Variants in ATG16L1 observed in about 807,000 individuals in gnomAD.
ATG16L1 encodes autophagy-related protein 16-1.
In ATG16L1, 37 loss-of-function variants were observed where a neutral mutation model predicts 88.5. The ratio of observed to expected loss-of-function variants is 0.42; its 90% CI spans 0.32 to 0.55. The LOEUF is 0.55. ATG16L1 is among the 20% of genes least tolerant of loss of function. The pLI is 0.13. For missense variants in ATG16L1, 554 were observed against 752.8 expected, an observed-to-expected ratio of 0.74 and a Z score of 3.09; for synonymous variants, 301 against 281.0, an observed-to-expected ratio of 1.07 and a Z score of -0.71.
intron 1 of ATG16L1, among the ~76,000 whole-genome samples, chr2:233,253,386 C>T (rs1487713238): frequency 1.5e-5 from 2 of 131,464 alleles, no homozygotes; most frequent in African/African-American, 5.7e-5. Context: ...GCTCTGTCAC[C>T]TAGGCTGGAG....
At chr2:233,263,907 TA>T in intron 3 of ATG16L1, 84 bp from the exon 4 acceptor site, 2 of 1,355,094 alleles carry the variant, frequency 1.5e-6, no homozygotes, top group Non-Finnish European at 1.0e-6. Context: ...TATTCTTTCT[TA>T]AAAATAAATC....
chr2:233,292,060 TCCTCCACG>T, intron 14 of ATG16L1, 60 bp from the exon 15 acceptor site: 2 of 1,561,798 alleles, frequency 1.3e-6, no homozygotes, highest in South Asian at 1.2e-5. Context: ...GCCTTTTTTT[TCCTCCACG>T]GCATGATGTG....
intron 5 of ATG16L1, 72 bp downstream of exon 5, chr2:233,265,215 G>GATGT: frequency 6.4e-7 from 1 of 1,555,680 alleles, no homozygotes; most frequent in South Asian, 1.2e-5. Context: ...AAAAGAAAGA[G>GATGT]ATAAACCTGG....
intron 2 of ATG16L1, among the ~76,000 whole-genome samples, chr2:233,262,167 C>T (rs1697259157): frequency 6.6e-6 from 1 of 152,126 alleles, no homozygotes; most frequent in African/African-American, 2.4e-5. Flanking sequence ...TCTTCATGCC[C>T]CATAGCCAAT....
At chr2:233,291,938 AC>A (rs1333134202) in intron 14 of ATG16L1, among the ~76,000 whole-genome samples, 189 bp from the exon 15 acceptor site, 1 of 152,206 alleles carries the variant, frequency 6.6e-6, no homozygotes, top group Non-Finnish European at 1.5e-5. Context: ...TCTGGGAATG[AC>A]TGTCTTAGGG....
intron 3 of ATG16L1, 91 bp from the exon 4 acceptor site, chr2:233,263,901 C>T (rs922289747): frequency 2.3e-6 from 3 of 1,292,838 alleles, no homozygotes; most frequent in African/African-American, 3.0e-5. Flanking sequence ...CTCATTTATT[C>T]TTTCTTAAAA....
intron 11 of ATG16L1, among the ~76,000 whole-genome samples, chr2:233,282,308 A>G (rs949190232): frequency 1.1e-4 from 16 of 152,210 alleles, no homozygotes; most frequent in African/African-American, 3.6e-4. Flanking sequence ...GAAGATGAAC[A>G]GTTCTCAGAG....
Position 233,292,228 on chromosome 2 carries a change from T to G in ATG16L1, c.1531T>G (p.Leu511Val). 6.2e-7 allele frequency: 1 copy of G among 1,614,226 alleles called. No individual in the cohort carries two copies. Among genetic ancestry groups the G allele is most frequent in the Non-Finnish European group, 8.5e-7 (1 of 1,180,040 alleles). Residue 511 changes from leucine (L) to valine (V), a missense_variant, in exon 15 of 18, where the codon TTG becomes GTG. This residue lies in a region of ATG16L1 where 370 missense variants were observed against 509.7 expected (regional missense o/e 0.73). Transcript: ENST00000392017. ...TELLSCSRDD[L>V]LKVIDLRTNA... ...GCTCCTGAGCTGCTCCCGTGATGAC[T>G]TGCTAAAAGTTATTGATCTCCGAAC...
At position 233,287,070 on chromosome 2, in the gene ATG16L1, T is replaced by G. The variant is rs76824506; in HGVS notation, c.1204-2784T>G. ...AAGCTGTGTGCTCATAGATGTTCACTGCAACAGCATCTGTGACAGACTCTT... is the reference window on the plus strand; with the variant it reads ...AAGCTGTGTGCTCATAGATGTTCACGGCAACAGCATCTGTGACAGACTCTT... On this transcript the variant is annotated intron_variant, in intron 12 of 17. Coordinates refer to ENST00000392017, the MANE Select transcript of ATG16L1 (RefSeq NM_030803.7). Among the ~76,000 whole-genome samples, 952 of 152,320 alleles carry G rather than the reference T, an allele frequency of 6.3e-3. 16 individuals carry two copies. Among genetic ancestry groups the G allele is most frequent in the African/African-American group, 0.021 (883 of 41,568 alleles).
intron 1 of ATG16L1, among the ~76,000 whole-genome samples, chr2:233,254,938 T>C (rs1696669962): frequency 6.6e-6 from 1 of 151,788 alleles, no homozygotes; most frequent in African/African-American, 2.4e-5. Context: ...CCTGTGTACC[T>C]ATTACTCTTA....
At chr2:233,289,377 A>ATGTGTGTG (rs56993445) in intron 12 of ATG16L1, among the ~76,000 whole-genome samples, 2,279 of 129,106 alleles carry the variant, frequency 0.018, 52 homozygotes, top group Non-Finnish European at 0.025. Context: ...CCTGTTTGGG[A>ATGTGTGTG]TGTGTGTGTG....
At chr2:233,264,089 G>C (rs767278040) in intron 4 of ATG16L1, 24 bp downstream of exon 4, 1 of 1,613,184 alleles carries the variant, frequency 6.2e-7, no homozygotes, top group South Asian at 1.1e-5. Context: ...CCGCCTCCTT[G>C]GAGCCTGGTC....
At chr2:233,259,157 C>G (rs1366587580) in intron 2 of ATG16L1, among the ~76,000 whole-genome samples, 14 of 152,008 alleles carry the variant, frequency 9.2e-5, no homozygotes, top group Admixed American at 9.2e-4. Flanking sequence ...TCCTTGAAAA[C>G]AGGGATTGGG....
At chr2:233,284,304 C>T (rs564337807) in intron 12 of ATG16L1, among the ~76,000 whole-genome samples, 25 of 152,104 alleles carry the variant, frequency 1.6e-4, no homozygotes, top group African/African-American at 4.8e-4. Context: ...TCCTCCACCA[C>T]GCCCGGCTAA....
intron 12 of ATG16L1, among the ~76,000 whole-genome samples, chr2:233,285,840 C>T (rs1046156208): frequency 6.6e-6 from 1 of 152,110 alleles, no homozygotes; most frequent in East Asian, 1.9e-4. Flanking sequence ...TTTGCTCTTA[C>T]GACAAGGGAA....
At chr2:233,264,406 C>A (rs1281256824) in intron 4 of ATG16L1, among the ~76,000 whole-genome samples, 1 of 152,082 alleles carries the variant, frequency 6.6e-6, no homozygotes, top group African/African-American at 2.4e-5. Context: ...GCGCATGGCC[C>A]TTGGGAAAAG....
chr2:233,281,269 G>A, intron 11 of ATG16L1, 94 bp downstream of exon 11: 1 of 960,896 alleles, frequency 1.0e-6, no homozygotes. Context: ...CGATTTCTCT[G>A]CCATTCTCTG....
intron 12 of ATG16L1, chr2:233,288,817 T>A (rs745523711): frequency 3.9e-6 from 2 of 519,218 alleles, no homozygotes; most frequent in Non-Finnish European, 7.7e-6. Context: ...TGTCCCTCAT[T>A]CTGTGTTCCT....
At chr2:233,261,172 A>G (rs1164149744) in intron 2 of ATG16L1, among the ~76,000 whole-genome samples, 3 of 152,056 alleles carry the variant, frequency 2.0e-5, no homozygotes, top group South Asian at 2.1e-4. Flanking sequence ...AGCCAGGATG[A>G]TCTCGATCTC....
Sources: gnomAD v4.1 joint callset for allele counts (sites outside exome capture counted in the v4.1 genomes callset) on GRCh38, gnomAD v4.1.1 for gene constraint, gnomAD v4.1.1 regional missense constraint, MANE v1.5 for transcripts, NCBI Gene and HGNC (gene_info 2026-07-23, HGNC 2026-07-21) for gene names.